The following NALCN variants were observed in gnomAD, a reference collection of about 807,000 sequenced individuals.
NALCN encodes the protein sodium leak channel, non-selective.
In NALCN, 111 loss-of-function variants were observed where a neutral mutation model predicts 225.3. That is an observed-to-expected ratio of 0.49 (90% CI 0.42 to 0.58). The LOEUF (loss-of-function observed/expected upper bound fraction) is 0.58. Ranked by LOEUF, NALCN falls within the 20% of genes least tolerant of loss-of-function variation. NALCN has a pLI of 0.00. For missense variants in NALCN, 1,378 were observed against 2,202.4 expected, an observed-to-expected ratio of 0.63 and a Z score of 7.49; for synonymous variants, 764 against 769.0, an observed-to-expected ratio of 0.99 and a Z score of 0.11.
At chr13:101,356,235 C>CA (rs2046055829) in intron 6 of NALCN, among the ~76,000 whole-genome samples, 1 of 151,672 alleles carries the variant, frequency 6.6e-6, no homozygotes, top group Non-Finnish European at 1.5e-5. Flanking sequence ...AGAAGCCATT[C>CA]AAAAAATTAA....
chr13:101,245,850 G>A (rs769741595), intron 11 of NALCN, among the ~76,000 whole-genome samples: 27 of 152,026 alleles, frequency 1.8e-4, no homozygotes, highest in African/African-American at 5.6e-4. Flanking sequence ...ACCTCTGATC[G>A]GTTGCTTTTC....
At chr13:101,073,962 G>A (rs1055342072) in intron 36 of NALCN, among the ~76,000 whole-genome samples, 10 of 152,036 alleles carry the variant, frequency 6.6e-5, no homozygotes, top group African/African-American at 1.9e-4. Context: ...TCACTTGGAC[G>A]ATGCTATAAA....
chr13:101,184,419 AC>A (rs1359699365), intron 14 of NALCN, among the ~76,000 whole-genome samples: 1 of 151,580 alleles, frequency 6.6e-6, no homozygotes, highest in Non-Finnish European at 1.5e-5. Context: ...TTTCTCTAAT[AC>A]CTCCTCTTCC....
chr13:101,368,916 G>T, intron 6 of NALCN: 1 of 227,870 alleles, frequency 4.4e-6, no homozygotes, highest in Non-Finnish European at 9.2e-6. Flanking sequence ...TGAAGCAGGA[G>T]AATCTCTTGA....
chr13:101,348,101 T>C (rs961634389), intron 6 of NALCN, among the ~76,000 whole-genome samples: 3 of 152,122 alleles, frequency 2.0e-5, no homozygotes, highest in African/African-American at 4.8e-5. Flanking sequence ...TATTTTTAAT[T>C]CCAAATACTT....
chr13:101,225,753 G>A (rs761340149), intron 13 of NALCN, among the ~76,000 whole-genome samples: 3 of 152,094 alleles, frequency 2.0e-5, no homozygotes, highest in East Asian at 1.9e-4. Context: ...GGGCTAAAAC[G>A]TGAAAGGAAT....
intron 39 of NALCN, among the ~76,000 whole-genome samples, chr13:101,066,456 C>T (rs2032399941): frequency 6.6e-6 from 1 of 152,108 alleles, no homozygotes; most frequent in Non-Finnish European, 1.5e-5. Flanking sequence ...TGTGTTGCTA[C>T]CTTCCATGCA....
At position 101,074,656 on chromosome 13, in the gene NALCN, G is replaced by A. The variant is rs2033129602; in HGVS notation, c.3961C>T (p.Leu1321=). ...FFSICGKHVT[L]KMLLLTVVVS... ...ACCACTGTCAAGAGGAGCATCTTTAGCGTTACCTGGGGACCAGGGGTGGGA... is the reference window on the plus strand; with the variant it reads ...ACCACTGTCAAGAGGAGCATCTTTAACGTTACCTGGGGACCAGGGGTGGGA... Residue 1321 remains leucine (L), a synonymous_variant, in exon 36 of 44, where the codon CTA becomes TTA. Coordinates refer to ENST00000251127, the MANE Select transcript of NALCN (RefSeq NM_052867.4). 1 of 1,604,510 alleles carries A rather than the reference G, an allele frequency of 6.2e-7. No individual in the cohort carries two copies. The highest frequency in any genetic ancestry group is 8.5e-7 in the Non-Finnish European group (1 of 1,177,248).
At chr13:101,111,391 G>A (rs575678327) in intron 18 of NALCN, among the ~76,000 whole-genome samples, 165 bp from the exon 19 acceptor site, 30 of 152,304 alleles carry the variant, frequency 2.0e-4, no homozygotes, top group Admixed American at 4.6e-4. Flanking sequence ...TACGCTCTGC[G>A]TCAAGAACAC....
chr13:101,081,293 C>T lies in NALCN; in HGVS notation c.3885+234G>A, dbSNP rs145498408. Among the ~76,000 whole-genome samples the T allele has an allele frequency of 1.1e-4, 16 of 152,236 alleles. No individual in the cohort carries two copies. In the South Asian group the frequency reaches 2.9e-3, roughly 28 times the overall value. ...TGAAGGTCCTTCTCTTTCTAGCTTG[C>T]ATCGTCTAGGTCTTTGAGGGGCCAG... On this transcript the variant is annotated intron_variant, in intron 34 of 43. Coordinates refer to ENST00000251127, the MANE Select transcript of NALCN (RefSeq NM_052867.4).
intron 7 of NALCN, among the ~76,000 whole-genome samples, chr13:101,344,489 C>T (rs112779409): frequency 0.012 from 1,847 of 152,206 alleles, 20 homozygotes; most frequent in Non-Finnish European, 0.018. Context: ...TGGTTTAGCA[C>T]GCAGGCCTGA....
Position 101,053,943 on chromosome 13 carries a change from G to A in NALCN, c.*1352C>T, listed in dbSNP as rs547431386. 3.3e-5 allele frequency: 5 copies of A among 152,032 alleles called. No individual in the cohort carries two copies. The East Asian group carries it at 9.6e-4, about 29-fold the overall frequency. 9.4% of individuals were successfully genotyped at this position (152,032 alleles called of 1,614,324 possible). On this transcript the variant is annotated 3_prime_UTR_variant, in exon 44 of 44. Coordinates refer to ENST00000251127, the MANE Select transcript of NALCN (RefSeq NM_052867.4). ...ACTGCCACTACCACGATACTTCTGT[G>A]ACACAGAAGGAATGTCCTATTTGCC...
chr13:101,205,760 A>C (rs2040288345), intron 13 of NALCN, among the ~76,000 whole-genome samples: 1 of 152,142 alleles, frequency 6.6e-6, no homozygotes, highest in Admixed American at 6.6e-5. Flanking sequence ...TTCATTGTCA[A>C]TCAAATATGT....
intron 15 of NALCN, among the ~76,000 whole-genome samples, chr13:101,163,202 C>CTA (rs35489402): frequency 0.02 from 3,061 of 150,840 alleles, 94 homozygotes; most frequent in African/African-American, 0.067. Flanking sequence ...CATGCCTGGC[C>CTA]TATATATATA....
At chr13:101,259,952 C>A (rs2042369906) in intron 10 of NALCN, among the ~76,000 whole-genome samples, 1 of 151,142 alleles carries the variant, frequency 6.6e-6, no homozygotes, top group Non-Finnish European at 1.5e-5. Flanking sequence ...ATTATGCTAG[C>A]AAATAGTAGG....
chr13:101,294,405 C>T (rs995707794), intron 7 of NALCN, among the ~76,000 whole-genome samples: 2 of 151,998 alleles, frequency 1.3e-5, no homozygotes, highest in Non-Finnish European at 2.9e-5. Context: ...GATAATTACA[C>T]ATTTTATCCA....
At chr13:101,155,447 T>C (rs1339578152) in intron 15 of NALCN, among the ~76,000 whole-genome samples, 4 of 152,176 alleles carry the variant, frequency 2.6e-5, no homozygotes, top group Admixed American at 2.0e-4. Context: ...ATTTGCAGAG[T>C]GTCCCCCAAT....
intron 10 of NALCN, among the ~76,000 whole-genome samples, chr13:101,276,062 C>CA (rs59471123): frequency 0.14 from 11,980 of 83,366 alleles, 2,151 homozygotes; most frequent in East Asian, 0.3. Flanking sequence ...GACTCCTTCT[C>CA]AAAAAAAAAA....
chr13:101,213,538 A>G (rs1378052826), intron 13 of NALCN, among the ~76,000 whole-genome samples: 1 of 152,210 alleles, frequency 6.6e-6, no homozygotes. Context: ...AAATTTTTAC[A>G]ATCTACCCAT....
Sources: gnomAD v4.1 joint callset for allele counts (sites outside exome capture counted in the v4.1 genomes callset) on GRCh38, gnomAD v4.1.1 for gene constraint, MANE v1.5 for transcripts, NCBI Gene and HGNC (gene_info 2026-07-23, HGNC 2026-07-21) for gene names.